The following EEF1G variants were observed in gnomAD, a reference collection of about 807,000 sequenced individuals.
EEF1G encodes the protein eukaryotic translation elongation factor 1 gamma.
Under a neutral mutation model 58.3 loss-of-function variants are expected in EEF1G, and 14 were observed. The observed-to-expected ratio is 0.24, with a 90% CI of 0.16 to 0.38. EEF1G has a LOEUF of 0.38. Ranked by LOEUF, EEF1G falls within the 10% of genes least tolerant of loss-of-function variation. The pLI, the probability that EEF1G is intolerant of heterozygous loss-of-function variation, is 1.00. For synonymous variants in EEF1G, 180 were observed against 206.8 expected (o/e 0.87, Z 1.11); for missense variants, 322 against 550.1 (o/e 0.59, Z 4.15).
chr11:62,571,246 T>C, intron 4 of EEF1G, 138 bp from the exon 5 acceptor site: 1 of 1,364,150 alleles, frequency 7.3e-7, no homozygotes. Flanking sequence ...AGGCAGATCC[T>C]AGGGTCATTC....
At chr11:62,560,642 A>G (rs914302522) in intron 7 of EEF1G, among the ~76,000 whole-genome samples, 188 bp from the exon 8 acceptor site, 1 of 152,218 alleles carries the variant, frequency 6.6e-6, no homozygotes, top group African/African-American at 2.4e-5. Flanking sequence ...ACTCCTCTGC[A>G]TAAGTATGCA....
chr11:62,560,504 G>A (rs755029927), intron 7 of EEF1G, 50 bp from the exon 8 acceptor site: 2 of 1,580,884 alleles, frequency 1.3e-6, no homozygotes, highest in South Asian at 1.2e-5. Flanking sequence ...AAGGTTGCCA[G>A]GCTAAGAGAA....
At chr11:62,569,851 C>T (rs1248298894) in intron 5 of EEF1G, among the ~76,000 whole-genome samples, 1 of 152,182 alleles carries the variant, frequency 6.6e-6, no homozygotes, top group African/African-American at 2.4e-5. Flanking sequence ...GGACCAGCAT[C>T]AGTCCAAGAG....
chr11:62,560,979 C>T (rs1313519150), intron 7 of EEF1G, among the ~76,000 whole-genome samples: 1 of 152,208 alleles, frequency 6.6e-6, no homozygotes, highest in Admixed American at 6.5e-5. Flanking sequence ...CAAGGTTTTC[C>T]GATGCTGGAA....
intron 5 of EEF1G, 94 bp from the exon 6 acceptor site, chr11:62,567,622 C>T (rs779437635): frequency 5.0e-5 from 66 of 1,308,506 alleles, no homozygotes; most frequent in Non-Finnish European, 6.6e-5. Context: ...AGTCCCAGTG[C>T]TCACCTTCTT....
At position 62,571,664 on chromosome 11, in the gene EEF1G, C is replaced by T. The variant is rs1205587441; in HGVS notation, c.254G>A (p.Arg85Gln). The T allele has an allele frequency of 6.3e-7, 1 of 1,586,724 alleles. No homozygotes were observed. The highest frequency in any genetic ancestry group is 8.6e-7 in the Non-Finnish European group (1 of 1,166,656). Reference protein sequence around the residue: ...IAYYVSNEELRGSTPEAAAQV... With the variant: ...IAYYVSNEELQGSTPEAAAQV... ...GGCTGCTGCCTCTGGAGTACTTCCC[C>T]GCAGCTCCTCATTGCTCACTGCAGA... The change falls in exon 4 of 10, where the codon CGG (arginine) becomes CAG (glutamine). Residue 85 changes from arginine to glutamine, a missense_variant. Around this residue, in one of 3 missense-constraint regions of EEF1G, gnomAD observed 52 missense variants for 139.4 expected, o/e 0.37. Transcript: ENST00000329251.
chr11:62,560,562 A>G, intron 7 of EEF1G, 108 bp from the exon 8 acceptor site: 1 of 1,295,206 alleles, frequency 7.7e-7, no homozygotes, highest in South Asian at 1.4e-5. Context: ...GGAAATGGTC[A>G]TTGTGCTGGC....
rs376656441 is a variant in EEF1G at position 62,572,616 on chromosome 11, G to C, written c.139C>G (p.Pro47Ala). 4.3e-6 allele frequency: 7 copies of C among 1,612,080 alleles called. No individual in the cohort carries two copies. Among genetic ancestry groups the C allele is most frequent in the African/African-American group, 1.3e-5 (1 of 74,868 alleles). The stretch of plus-strand genomic sequence containing the variant: ...GCAGGAAATTTGCGGAGAAATTCAG[G>C]GGTGCGGTTGGTTTGGCCAAAATGG... ...HFHFGQTNRTPEFLRKFPAGK... is the reference protein window; with the variant it reads ...HFHFGQTNRTAEFLRKFPAGK... Residue 47 changes from proline to alanine, a missense_variant, in exon 2 of 10, where the codon CCT becomes GCT. This residue lies in a region of EEF1G where 62 missense variants were observed against 87.0 expected (regional missense o/e 0.71). Coordinates refer to ENST00000329251, the MANE Select transcript of EEF1G (RefSeq NM_001404.5).
chr11:62,572,539 C>T, intron 2 of EEF1G, 45 bp downstream of exon 2: 1 of 1,608,624 alleles, frequency 6.2e-7, no homozygotes, highest in Non-Finnish European at 8.5e-7. Context: ...ATCGCAGGGC[C>T]TTGGTTTCTC....
Position 62,559,685 on chromosome 11 carries a change from G to A in EEF1G, c.1308C>T (p.Phe436=). The A allele has an allele frequency of 1.2e-6, 2 of 1,613,932 alleles. No individual in the cohort carries two copies. The highest frequency in any genetic ancestry group is 1.7e-6 in the Non-Finnish European group (2 of 1,179,860). The change falls in exon 10 of 10, where the codon TTC becomes TTT. Residue 436 remains phenylalanine (F), a synonymous_variant. Transcript: ENST00000329251. ...AGGTGATGGCAAGAGATGTTCACTT[G>A]AAGATCTTGCCCTGATTGAAGGCTT... The part of the protein sequence containing the change: ...VGKAFNQGKI[F]K
rs186829635 is a variant in EEF1G, at chr11:62,564,955, C to T, written c.857+1851G>A. 2.5e-3 allele frequency among the ~76,000 whole-genome samples: 381 copies of T among 151,764 alleles called. 2 individuals carry two copies. Among genetic ancestry groups the T allele is most frequent in the African/African-American group, 8.8e-3 (363 of 41,330 alleles). On this transcript the variant is annotated intron_variant, in intron 7 of 9. Coordinates refer to ENST00000329251, the MANE Select transcript of EEF1G (RefSeq NM_001404.5). ...GGTGTCACGCGCCTGTCATTGTAGTCCCAGCTACTCGGGAGGCTGAGGCAG... is the reference window on the plus strand; with the variant it reads ...GGTGTCACGCGCCTGTCATTGTAGTTCCAGCTACTCGGGAGGCTGAGGCAG...
intron 5 of EEF1G, among the ~76,000 whole-genome samples, chr11:62,570,593 C>T (rs1941615174): frequency 6.6e-6 from 1 of 152,168 alleles, no homozygotes; most frequent in African/African-American, 2.4e-5. Flanking sequence ...GTCTCACTCT[C>T]ACCCAGGCTG....
At position 62,560,361 on chromosome 11, in the gene EEF1G, G is replaced by A. The variant is rs748458661; in HGVS notation, c.951C>T (p.Asp317=). The A allele has an allele frequency of 9.8e-5, 158 of 1,608,766 alleles. No individual in the cohort carries two copies. The highest frequency in any genetic ancestry group is 5.4e-4 in the Admixed American group (32 of 58,976). Residue 317 remains aspartate, a synonymous_variant, in exon 8 of 10, where the codon GAC becomes GAT. Transcript: ENST00000329251. ...ACTCTGAGTACCACAGGGACCAGCC[G>A]TCCTTATCAAAGTGCTCCCAGAAAT... The part of the protein sequence containing the change: ...LPYFWEHFDK[D]GWSLWYSEYR...
chr11:62,561,660 CAAAAAAAAAACAAAAAAAAAACAAAA>C (rs796441244), intron 7 of EEF1G, among the ~76,000 whole-genome samples: 515 of 43,336 alleles, frequency 0.012, 8 homozygotes, highest in African/African-American at 0.039. Flanking sequence ...GACTCCGTCT[CAAAAAAAAAACAAAAAAAAAACAAAA>C]AAAAAAAAAA....
intron 5 of EEF1G, among the ~76,000 whole-genome samples, chr11:62,568,365 G>A (rs1244739500): frequency 2.8e-5 from 4 of 144,504 alleles, no homozygotes; most frequent in Non-Finnish European, 4.5e-5. Flanking sequence ...TCCAGCTTGG[G>A]TGACAGAGTG....
At chr11:62,572,363 C>T (rs1425371409) in intron 2 of EEF1G, among the ~76,000 whole-genome samples, 1 of 152,216 alleles carries the variant, frequency 6.6e-6, no homozygotes, top group Non-Finnish European at 1.5e-5. Context: ...CATTCTCTTT[C>T]CCACAAAGTA....
At position 62,559,737 on chromosome 11, in the gene EEF1G, C is replaced by A. The variant is rs11545775; in HGVS notation, c.1256G>T (p.Trp419Leu). The A allele has an allele frequency of 6.2e-7, 1 of 1,613,868 alleles. No homozygotes were observed. The highest frequency in any genetic ancestry group is 1.7e-5 in the Admixed American group (1 of 59,988). The change falls in exon 10 of 10, where the codon TGG becomes TTG. Residue 419 changes from tryptophan (W) to leucine (L), a missense_variant. By Grantham distance (61) the Trp-to-Leu change is moderately conservative. This residue lies in a region of EEF1G where 208 missense variants were observed against 323.7 expected (regional missense o/e 0.64). Coordinates refer to ENST00000329251, the MANE Select transcript of EEF1G (RefSeq NM_001404.5). ...GCCCACATGCTGGAAGGCCCCCTCC[C>A]AGGAAAAGTACTCTCGAACCAGCGT... ...TQTLVREYFS[W>L]EGAFQHVGKA...
At chr11:62,566,686 T>C (rs1261202968) in intron 7 of EEF1G, 120 bp downstream of exon 7, 2 of 950,654 alleles carry the variant, frequency 2.1e-6, no homozygotes, top group Non-Finnish European at 3.1e-6. Flanking sequence ...AACTAAAATA[T>C]ACCTTTAACT....
chr11:62,566,674 G>C (rs1941558894), intron 7 of EEF1G, 132 bp downstream of exon 7: 1 of 871,158 alleles, frequency 1.1e-6, no homozygotes, highest in South Asian at 1.8e-5. Context: ...TGCTTTATTT[G>C]CAACTAAAAT....
Sources: allele counts gnomAD v4.1 joint callset (sites outside exome capture counted in the v4.1 genomes callset), GRCh38; gene constraint gnomAD v4.1.1; regional missense constraint gnomAD v4.1.1; transcripts MANE v1.5; gene names NCBI Gene and HGNC (gene_info 2026-07-23, HGNC 2026-07-21).